The following NSD1 variants were observed in gnomAD, a reference collection of about 807,000 sequenced individuals.
NSD1 encodes histone-lysine N-methyltransferase, H3 lysine-36 specific.
NSD1 carries 26 observed loss-of-function variants against 242.7 expected under a neutral mutation model. That is an observed-to-expected ratio of 0.11 (90% confidence interval 0.08 to 0.15). The LOEUF (loss-of-function observed/expected upper bound fraction) is 0.15. Among genes scored for constraint, NSD1 ranks in the 10% least tolerant of loss-of-function variants. The probability of loss-of-function intolerance (pLI) is 1.00; values close to 1 mark genes in which losing one functional copy is unlikely to be tolerated. For missense variants in NSD1, 2,495 were observed against 3,272.8 expected (o/e 0.76, Z 5.80); for synonymous variants, 1,106 against 1,178.1 (o/e 0.94, Z 1.25).
intron 3 of NSD1, among the ~76,000 whole-genome samples, chr5:177,203,118 G>A (rs1055832682): frequency 6.6e-6 from 1 of 151,996 alleles, no homozygotes; most frequent in Admixed American, 6.6e-5. Flanking sequence ...ATAAGACATG[G>A]TTGTTACAAG....
chr5:177,186,877 G>A (rs1209899445), intron 2 of NSD1, among the ~76,000 whole-genome samples: 1 of 151,958 alleles, frequency 6.6e-6, no homozygotes, highest in Non-Finnish European at 1.5e-5. Flanking sequence ...TGAAATCAAC[G>A]CGCCACTGCA....
chr5:177,290,845 G>A (rs1759760273), intron 21 of NSD1, among the ~76,000 whole-genome samples: 1 of 152,140 alleles, frequency 6.6e-6, no homozygotes, highest in African/African-American at 2.4e-5. Flanking sequence ...ATGTTGACTT[G>A]TTTCCTATAA....
chr5:177,200,284 T>C (rs1056507011), intron 3 of NSD1, among the ~76,000 whole-genome samples: 2 of 151,934 alleles, frequency 1.3e-5, no homozygotes, highest in East Asian at 1.9e-4. Context: ...CATTTTTGTA[T>C]TTTTAGTAGA....
At chr5:177,151,377 C>CA (rs1007770728) in intron 2 of NSD1, among the ~76,000 whole-genome samples, 10 of 152,060 alleles carry the variant, frequency 6.6e-5, no homozygotes, top group African/African-American at 2.4e-4. Flanking sequence ...CAGCGAGACT[C>CA]AGTCTTTTTT....
chr5:177,169,774 T>TA (rs1759533723), intron 2 of NSD1: 1 of 152,196 alleles, frequency 6.6e-6, no homozygotes, highest in East Asian at 1.9e-4. Context: ...TAAAATGATA[T>TA]ATAACATAAC....
intron 16 of NSD1, among the ~76,000 whole-genome samples, chr5:177,272,972 C>T (rs1281190396): frequency 2.6e-5 from 4 of 152,108 alleles, no homozygotes; most frequent in Non-Finnish European, 5.9e-5. Flanking sequence ...CACAACAAGT[C>T]TTAGGATAAG....
chr5:177,177,550 A>G (rs1760309341), intron 2 of NSD1, among the ~76,000 whole-genome samples: 2 of 151,910 alleles, frequency 1.3e-5, no homozygotes, highest in African/African-American at 2.4e-5. Context: ...AAAAACAGCA[A>G]CAACAACAAG....
Position 177,294,550 on chromosome 5 carries a change from T to C in NSD1, c.7182T>C (p.Ile2394=), listed in dbSNP as rs1760115755. The C allele has an allele frequency of 6.2e-7, 1 of 1,614,206 alleles. No individual in the cohort carries two copies. Among genetic ancestry groups the C allele is most frequent in the Non-Finnish European group, 8.5e-7 (1 of 1,180,030 alleles). The change falls in exon 23 of 23, where the codon ATT becomes ATC. Residue 2394 remains isoleucine (I), a synonymous_variant. Transcript: ENST00000439151. The part of the protein sequence containing the change: ...LRLPPPDRLL[I]TSSPKPQTSD... ...TTCCGCCGCCAGACAGACTGCTCAT[T>C]ACTAGCAGTCCCAAACCCCAGACTT...
chr5:177,199,358 T>C (rs1199886551), intron 3 of NSD1, among the ~76,000 whole-genome samples: 1 of 151,542 alleles, frequency 6.6e-6, no homozygotes, highest in East Asian at 1.9e-4. Context: ...CTTGGACTCA[T>C]GTGATTCTCC....
chr5:177,199,124 T>G (rs898230183), intron 3 of NSD1, among the ~76,000 whole-genome samples: 3 of 152,250 alleles, frequency 2.0e-5, no homozygotes, highest in African/African-American at 7.2e-5. Context: ...AATGTAGTAT[T>G]CAGTAAATTA....
chr5:177,143,200 G>GT (rs1316819473), intron 2 of NSD1, among the ~76,000 whole-genome samples: 2 of 151,710 alleles, frequency 1.3e-5, no homozygotes, highest in South Asian at 4.2e-4. Flanking sequence ...AGGTTGGTTG[G>GT]TTTTTTTTCT....
chr5:177,281,032 A>G (rs1424495824), intron 18 of NSD1, among the ~76,000 whole-genome samples, 198 bp downstream of exon 18: 1 of 152,152 alleles, frequency 6.6e-6, no homozygotes, highest in Non-Finnish European at 1.5e-5. Flanking sequence ...CTTTGTATTG[A>G]TCATGGTCAC....
At chr5:177,272,471 G>A (rs1265321471) in intron 16 of NSD1, among the ~76,000 whole-genome samples, 1 of 152,186 alleles carries the variant, frequency 6.6e-6, no homozygotes, top group African/African-American at 2.4e-5. Flanking sequence ...CACAGAGAAA[G>A]TGGGAAGAAT....
At chr5:177,141,969 G>A (rs1464997031) in intron 2 of NSD1, among the ~76,000 whole-genome samples, 1 of 152,074 alleles carries the variant, frequency 6.6e-6, no homozygotes, top group Non-Finnish European at 1.5e-5. Context: ...AAGTAGCTGG[G>A]ACTACAGGCG....
intron 13 of NSD1, among the ~76,000 whole-genome samples, chr5:177,257,673 GCT>G (rs1756602284): frequency 1.3e-5 from 2 of 152,116 alleles, no homozygotes; most frequent in African/African-American, 4.8e-5. Context: ...CAATGCCAGG[GCT>G]CCATAGAACA....
At chr5:177,203,238 CT>C (rs1762635349) in intron 3 of NSD1, among the ~76,000 whole-genome samples, 1 of 151,948 alleles carries the variant, frequency 6.6e-6, no homozygotes, top group Non-Finnish European at 1.5e-5. Flanking sequence ...TTTTGTGACA[CT>C]TTTTAGTGTA....
chr5:177,289,191 T>C (rs1034251071), intron 21 of NSD1, among the ~76,000 whole-genome samples: 12 of 151,958 alleles, frequency 7.9e-5, no homozygotes, highest in African/African-American at 2.9e-4. Flanking sequence ...CGTGGTGGCA[T>C]GTGCTTGTAG....
chr5:177,234,985 A>G (rs1765332121), intron 5 of NSD1, among the ~76,000 whole-genome samples: 1 of 152,226 alleles, frequency 6.6e-6, no homozygotes, highest in African/African-American at 2.4e-5. Flanking sequence ...ATCAGCTGAT[A>G]CATGTATTCT....
chr5:177,250,405 A>T (rs1336230191), intron 11 of NSD1, among the ~76,000 whole-genome samples: 1 of 152,228 alleles, frequency 6.6e-6, no homozygotes, highest in East Asian at 1.9e-4. Context: ...ACAATTTATT[A>T]ATAGCACTTC....
Sources: allele counts gnomAD v4.1 joint callset (sites outside exome capture counted in the v4.1 genomes callset), GRCh38; gene constraint gnomAD v4.1.1; transcripts MANE v1.5; gene names NCBI Gene and HGNC (gene_info 2026-07-23, HGNC 2026-07-21).